Variants in KMT2C observed in about 807,000 individuals in gnomAD.
KMT2C encodes the protein lysine methyltransferase 2C.
Under a neutral mutation model 507.9 loss-of-function variants are expected in KMT2C, and 88 were observed. The ratio of observed to expected loss-of-function variants is 0.17; its 90% CI spans 0.15 to 0.21. The LOEUF (loss-of-function observed/expected upper bound fraction) is 0.21. Ranked by LOEUF, KMT2C falls within the 10% of genes least tolerant of loss-of-function variation. The pLI is 1.00. For missense variants in KMT2C, 4,954 were observed against 5,957.8 expected (o/e 0.83, Z 5.55); for synonymous variants, 2,049 against 2,080.8 (o/e 0.98, Z 0.42).
At chr7:152,264,678 C>T (rs1282161156) in intron 8 of KMT2C, among the ~76,000 whole-genome samples, 4 of 152,034 alleles carry the variant, frequency 2.6e-5, no homozygotes, top group African/African-American at 4.8e-5. Flanking sequence ...TTAAGAAAAA[C>T]TACTTTATTC....
At chr7:152,195,146 CAT>C (rs2093924941) in intron 28 of KMT2C, among the ~76,000 whole-genome samples, 1 of 152,022 alleles carries the variant, frequency 6.6e-6, no homozygotes, top group Admixed American at 6.6e-5. Context: ...GTAAGAGTCA[CAT>C]GTAAAAGTGG....
At chr7:152,323,767 G>A (rs1426742109) in intron 3 of KMT2C, among the ~76,000 whole-genome samples, 2 of 133,428 alleles carry the variant, frequency 1.5e-5, no homozygotes, top group African/African-American at 5.4e-5. Context: ...GGAAGGGGAG[G>A]TAGAAAAAGA....
chr7:152,424,719 C>A (rs1564209195), intron 1 of KMT2C, among the ~76,000 whole-genome samples: 1 of 152,142 alleles, frequency 6.6e-6, no homozygotes, highest in Non-Finnish European at 1.5e-5. Flanking sequence ...AGCCCCCACG[C>A]CGGCCCCTTC....
intron 23 of KMT2C, among the ~76,000 whole-genome samples, chr7:152,218,753 T>G (rs977494981): frequency 6.6e-6 from 1 of 152,114 alleles, no homozygotes; most frequent in South Asian, 2.1e-4. Flanking sequence ...TCTCACCTTC[T>G]GACTGTCCCC....
intron 17 of KMT2C, 72 bp downstream of exon 17, chr7:152,230,148 T>C (rs1048086998): frequency 4.8e-6 from 5 of 1,042,680 alleles, no homozygotes; most frequent in African/African-American, 4.8e-5. Flanking sequence ...ATGACTTCTG[T>C]GTATATGAGA....
At chr7:152,340,142 G>A (rs1025606030) in intron 2 of KMT2C, among the ~76,000 whole-genome samples, 6 of 146,484 alleles carry the variant, frequency 4.1e-5, no homozygotes, top group South Asian at 2.1e-4. Flanking sequence ...ATGCGATCAC[G>A]CCTGGATTTT....
intron 23 of KMT2C, among the ~76,000 whole-genome samples, chr7:152,218,467 G>A (rs1024048791): frequency 4.6e-5 from 7 of 151,838 alleles, no homozygotes; most frequent in African/African-American, 9.7e-5. Context: ...CACCGAGCCC[G>A]GCCACAAATG....
chr7:152,352,632 G>A (rs1005828490), intron 2 of KMT2C, among the ~76,000 whole-genome samples: 22 of 152,302 alleles, frequency 1.4e-4, no homozygotes, highest in African/African-American at 4.8e-4. Context: ...AAATAGAAAA[G>A]AACCTACGTG....
chr7:152,174,674 C>A (rs189654516), intron 38 of KMT2C, among the ~76,000 whole-genome samples: 1 of 151,780 alleles, frequency 6.6e-6, no homozygotes, highest in Non-Finnish European at 1.5e-5. Context: ...GAAGCTACTA[C>A]GAAAAAACCT....
Position 152,369,471 on chromosome 7 carries a change from A to C in KMT2C, c.162-10796T>G, listed in dbSNP as rs114034832. On this transcript the variant is annotated intron_variant, in intron 1 of 58. Transcript: ENST00000262189. ...GATTCCAGCAAAACTAACACACACA[A>C]AAAAATGACTACTATGGTTTGAATA... is the stretch of plus-strand genomic sequence containing the variant. Among the ~76,000 whole-genome samples the C allele has an allele frequency of 7.6e-3, 1,155 of 152,310 alleles. 14 individuals carry two copies. Among genetic ancestry groups the C allele is most frequent in the African/African-American group, 0.027 (1,112 of 41,560 alleles).
rs570850907 is a variant in KMT2C, at chr7:152,207,798, T to C, written c.3713-370A>G. ...CTATAATTGAATATTACCTAGTTACTGAAAACTGTATATCCAAAATGAACT... is the reference window on the plus strand; with the variant it reads ...CTATAATTGAATATTACCTAGTTACCGAAAACTGTATATCCAAAATGAACT... On this transcript the variant is annotated intron_variant, in intron 23 of 58. Transcript: ENST00000262189. Among the ~76,000 whole-genome samples the C allele has an allele frequency of 5.9e-5, 9 of 152,320 alleles. No homozygotes were observed. In the South Asian group the frequency reaches 1.5e-3, roughly 25 times the overall value.
chr7:152,322,311 C>T (rs1048533616), intron 3 of KMT2C, among the ~76,000 whole-genome samples: 1 of 151,844 alleles, frequency 6.6e-6, no homozygotes, highest in Non-Finnish European at 1.5e-5. Context: ...TGCAGAAAGC[C>T]AAGATCACAC....
intron 1 of KMT2C, chr7:152,367,754 T>C (rs1369112914): frequency 1.9e-6 from 2 of 1,071,106 alleles, no homozygotes; most frequent in East Asian, 4.7e-5. Context: ...ATTACATTGA[T>C]AGTAAATCTG....
chr7:152,381,118 C>G (rs1219560310), intron 1 of KMT2C, among the ~76,000 whole-genome samples: 1 of 152,154 alleles, frequency 6.6e-6, no homozygotes, highest in Non-Finnish European at 1.5e-5. Context: ...AGTGGTCAGT[C>G]ATCAAGTTTT....
intron 20 of KMT2C, 133 bp from the exon 21 acceptor site, chr7:152,222,815 T>C: frequency 1.6e-6 from 1 of 608,408 alleles, no homozygotes; most frequent in Non-Finnish European, 3.0e-6. Context: ...ACCTTGCCCT[T>C]TTCTCCTAAC....
At chr7:152,324,570 G>GA (rs1311939180) in intron 3 of KMT2C, among the ~76,000 whole-genome samples, 1 of 151,698 alleles carries the variant, frequency 6.6e-6, no homozygotes, top group Admixed American at 6.6e-5. Context: ...CAGCTGAATA[G>GA]AAAAAAATTT....
At chr7:152,277,999 T>A (rs954503211) in intron 6 of KMT2C, among the ~76,000 whole-genome samples, 43 of 152,196 alleles carry the variant, frequency 2.8e-4, no homozygotes, top group Non-Finnish European at 8.8e-5. Flanking sequence ...ACATATATAA[T>A]ATGAAATAAA....
At chr7:152,323,778 G>GGGGGA (rs1164411900) in intron 3 of KMT2C, among the ~76,000 whole-genome samples, 1 of 145,558 alleles carries the variant, frequency 6.9e-6, no homozygotes, top group Non-Finnish European at 1.5e-5. Context: ...TAGAAAAAGA[G>GGGGGA]GGGGAGGGGA....
chr7:152,199,222 A>C, intron 27 of KMT2C, 57 bp downstream of exon 27: 1 of 1,361,180 alleles, frequency 7.3e-7, no homozygotes, highest in East Asian at 2.5e-5. Flanking sequence ...GATTTAACTG[A>C]AAGGAAGATG....
Sources: allele counts gnomAD v4.1 joint callset (sites outside exome capture counted in the v4.1 genomes callset), GRCh38; gene constraint gnomAD v4.1.1; transcripts MANE v1.5; gene names NCBI Gene and HGNC (gene_info 2026-07-23, HGNC 2026-07-21).